PRMT8: variants seen among roughly 807,000 people sequenced by gnomAD.
PRMT8 encodes the protein protein arginine N-methyltransferase 8.
A neutral mutation model predicts 47.1 loss-of-function variants in PRMT8; 7 were observed. The observed-to-expected ratio is 0.15, with a 90% CI of 0.08 to 0.28. The LOEUF (loss-of-function observed/expected upper bound fraction) is 0.28. PRMT8 is among the 10% of genes least tolerant of loss of function. The pLI is 1.00. For synonymous variants in PRMT8, 188 were observed against 186.5 expected, an observed-to-expected ratio of 1.01 and a Z score of -0.07; for missense variants, 237 against 505.4, an observed-to-expected ratio of 0.47 and a Z score of 5.09.
chr12:3,510,491 C>T (rs949039494), intron 1 of PRMT8, among the ~76,000 whole-genome samples: 1 of 152,080 alleles, frequency 6.6e-6, no homozygotes, highest in Admixed American at 6.5e-5. Flanking sequence ...ACTATACATC[C>T]TATGTATTCA....
intron 8 of PRMT8, among the ~76,000 whole-genome samples, chr12:3,590,026 G>T (rs186815129): frequency 6.6e-6 from 1 of 152,356 alleles, no homozygotes; most frequent in East Asian, 1.9e-4. Context: ...GAGGTAGCTG[G>T]GAGAGATGGT....
intron 1 of PRMT8, among the ~76,000 whole-genome samples, chr12:3,431,427 C>A (rs1004219506): frequency 1.3e-5 from 2 of 151,962 alleles, no homozygotes; most frequent in African/African-American, 2.4e-5. Flanking sequence ...GCAGAGGCCT[C>A]CAGATAGGCA....
intron 1 of PRMT8, among the ~76,000 whole-genome samples, chr12:3,481,805 C>T (rs1157372482): frequency 6.6e-6 from 1 of 152,160 alleles, no homozygotes; most frequent in African/African-American, 2.4e-5. Flanking sequence ...CTGTCATGGC[C>T]TGGTGATACT....
intron 3 of PRMT8, chr12:3,551,357 A>G (rs865859449): frequency 2.6e-5 from 4 of 152,496 alleles, no homozygotes; most frequent in Middle Eastern, 3.4e-3. Context: ...AGGGCAGGTC[A>G]TGTCATCATC....
intron 7 of PRMT8, among the ~76,000 whole-genome samples, chr12:3,582,275 G>T (rs1284972299): frequency 2.0e-5 from 3 of 152,196 alleles, no homozygotes; most frequent in Non-Finnish European, 4.4e-5. Context: ...CCCCATGCGA[G>T]ATTGATTTTC....
At position 3,583,214 on chromosome 12, in the gene PRMT8, C is replaced by G. The variant is rs375377884; in HGVS notation, c.979+6C>G. 237 of 1,606,616 alleles carry G rather than the reference C, an allele frequency of 1.5e-4. No homozygotes were observed. The highest frequency in any genetic ancestry group is 1.9e-4 in the Non-Finnish European group (227 of 1,176,248). On this transcript the variant is annotated splice_donor_region_variant and intron_variant, in intron 8 of 9. Transcript: ENST00000382622. This position sits in a 1 kb window ranked among gnomAD's most constrained non-coding sequence, Gnocchi z 4.7. ...GAAAATGGGGTTTTCCACAGGTGAG[C>G]TGTTTGTTGCTTCCCAGAGCCTCCT...
rs1864978889 is a variant in PRMT8 at position 3,456,895 on chromosome 12, G to C, written c.48+75453G>C. Among the ~76,000 whole-genome samples the C allele has an allele frequency of 6.6e-6, 1 of 152,202 alleles. No homozygotes were observed. The highest frequency in any genetic ancestry group is 2.1e-4 in the South Asian group (1 of 4,824). On this transcript the variant is annotated intron_variant, in intron 1 of 9. Coordinates refer to the PRMT8 transcript ENST00000452611. This position sits in a 1 kb window ranked among gnomAD's most constrained non-coding sequence, Gnocchi z 4.2. ...TTAAAGGCTTTAAACACAGAGGACA[G>C]GTGCGTCTTTTCTTGCTGTGGCTGA...
At chr12:3,584,390 T>C (rs1395629986) in intron 8 of PRMT8, among the ~76,000 whole-genome samples, 1 of 152,170 alleles carries the variant, frequency 6.6e-6, no homozygotes, top group Non-Finnish European at 1.5e-5. Flanking sequence ...GGGGGGACAA[T>C]TCAGGTGGTA....
At chr12:3,496,214 A>ATATTTTTTT in intron 1 of PRMT8, among the ~76,000 whole-genome samples, 11 of 27,776 alleles carry the variant, frequency 4.0e-4, no homozygotes, top group South Asian at 2.6e-3. Flanking sequence ...ATATATATAT[A>ATATTTTTTT]TTTTTTTTTT....
chr12:3,510,244 T>C (rs1176380757), intron 1 of PRMT8, among the ~76,000 whole-genome samples: 1 of 152,058 alleles, frequency 6.6e-6, no homozygotes, highest in Non-Finnish European at 1.5e-5. Flanking sequence ...ACATGACCCC[T>C]GCTCCCAGCG....
intron 1 of PRMT8, among the ~76,000 whole-genome samples, chr12:3,396,012 T>G (rs1864245069): frequency 6.6e-6 from 1 of 151,972 alleles, no homozygotes; most frequent in South Asian, 2.1e-4. Flanking sequence ...AAAGTCTGTT[T>G]TATCAGAGAC....
chr12:3,485,237 C>T (rs1565419232), intron 1 of PRMT8, among the ~76,000 whole-genome samples: 1 of 152,160 alleles, frequency 6.6e-6, no homozygotes, highest in Non-Finnish European at 1.5e-5. Flanking sequence ...TGAGCCTTTC[C>T]CCAGGCATTG....
At chr12:3,488,976 C>T (rs985822383), upstream of PRMT8, among the ~76,000 whole-genome samples, 1 of 152,182 alleles carries the variant, frequency 6.6e-6, no homozygotes, top group South Asian at 2.1e-4. Context: ...GACAGCTCAA[C>T]AGGGGGCTAG....
intron 1 of PRMT8, among the ~76,000 whole-genome samples, chr12:3,463,926 A>G (rs1026805110): frequency 1.3e-5 from 2 of 152,214 alleles, no homozygotes; most frequent in African/African-American, 2.4e-5. Flanking sequence ...TTCCGTCTTG[A>G]GGATTCTCAT....
At chr12:3,589,356 T>C (rs1867251148) in intron 8 of PRMT8, among the ~76,000 whole-genome samples, 1 of 152,148 alleles carries the variant, frequency 6.6e-6, no homozygotes. Context: ...TCATGAGCCA[T>C]ATTCTGCAGA....
intron 1 of PRMT8, among the ~76,000 whole-genome samples, chr12:3,536,735 T>C (rs910258191): frequency 2.6e-5 from 4 of 152,308 alleles, no homozygotes; most frequent in Admixed American, 2.6e-4. Context: ...GAGCCCTTGC[T>C]TGGACACCGG....
intron 1 of PRMT8, among the ~76,000 whole-genome samples, chr12:3,406,469 C>T (rs535199113): frequency 6.6e-6 from 1 of 152,298 alleles, no homozygotes; most frequent in East Asian, 1.9e-4. Flanking sequence ...TGTCAGGCTG[C>T]AAAATTTCCA....
chr12:3,396,602 C>T (rs1451394412), intron 1 of PRMT8, among the ~76,000 whole-genome samples: 1 of 152,192 alleles, frequency 6.6e-6, no homozygotes, highest in African/African-American at 2.4e-5. Context: ...TGATGGGCTT[C>T]CCTTTGTGGG....
Position 3,491,253 on chromosome 12 carries a change from G to T in PRMT8, c.-373G>T. ...TTGAGAGGAGTTGGCGGCTGCCTCC[G>T]GCCGGCCGGACTTTGCGAGCAGCCT... On this transcript the variant is annotated 5_prime_UTR_variant, in exon 1 of 10. Coordinates refer to ENST00000382622, the MANE Select transcript of PRMT8 (RefSeq NM_019854.5). 1 of 1,024,690 alleles carries T rather than the reference G, an allele frequency of 9.8e-7. No individual in the cohort carries two copies. Among genetic ancestry groups the T allele is most frequent in the South Asian group, 4.3e-5 (1 of 23,186 alleles). The allele number at this position is 1,024,690 out of a possible 1,614,324, so 63.5% of individuals were successfully genotyped here.
Sources: allele counts gnomAD v4.1 joint callset (sites outside exome capture counted in the v4.1 genomes callset), GRCh38; gene constraint gnomAD v4.1.1; non-coding constraint Gnocchi (gnomAD v3.1); transcripts MANE v1.5; gene names NCBI Gene and HGNC (gene_info 2026-07-23, HGNC 2026-07-21).